The following RSRC1 variants were observed in gnomAD, a reference collection of about 807,000 sequenced individuals.
The protein encoded by RSRC1 is serine/Arginine-related protein 53.
RSRC1 carries 39 observed loss-of-function variants against 49.1 expected under a neutral mutation model. The observed-to-expected ratio is 0.79, with a 90% CI of 0.61 to 1.04. RSRC1 has a LOEUF of 1.04. Among genes scored for constraint, RSRC1 ranks in the 50% least tolerant of loss-of-function variants. The pLI is 0.00. For synonymous variants in RSRC1, 143 were observed against 130.8 expected (o/e 1.09, Z -0.63); for missense variants, 388 against 402.4 (o/e 0.96, Z 0.31).
chr3:158,442,446 A>G (rs1399690686), intron 6 of RSRC1, among the ~76,000 whole-genome samples: 1 of 151,842 alleles, frequency 6.6e-6, no homozygotes, highest in Non-Finnish European at 1.5e-5. Context: ...CTAAGGAACA[A>G]TTTTTTTTGT....
chr3:158,540,535 A>G (rs941265142), intron 8 of RSRC1, among the ~76,000 whole-genome samples: 1 of 152,124 alleles, frequency 6.6e-6, no homozygotes, highest in South Asian at 2.1e-4. Context: ...AGCTTCCATT[A>G]GAATAAAAAT....
intron 3 of RSRC1, among the ~76,000 whole-genome samples, chr3:158,186,845 A>G (rs1244636755): frequency 6.6e-6 from 1 of 151,880 alleles, no homozygotes; most frequent in African/African-American, 2.4e-5. Context: ...TGGGGAGACC[A>G]GAGATGATGA....
intron 7 of RSRC1, among the ~76,000 whole-genome samples, chr3:158,525,732 A>G (rs1391810131): frequency 2.6e-5 from 4 of 151,982 alleles, no homozygotes; most frequent in African/African-American, 9.7e-5. Flanking sequence ...ATTACCACAG[A>G]TGTACCCAAC....
At chr3:158,440,954 A>G (rs1736351209) in intron 6 of RSRC1, among the ~76,000 whole-genome samples, 1 of 152,142 alleles carries the variant, frequency 6.6e-6, no homozygotes, top group South Asian at 2.1e-4. Context: ...TAAGAAAAAA[A>G]ATGAAAGAAA....
intron 6 of RSRC1, among the ~76,000 whole-genome samples, chr3:158,422,322 G>A (rs1266851353): frequency 2.9e-5 from 4 of 136,696 alleles, no homozygotes; most frequent in South Asian, 4.8e-4. Context: ...GAGAATATGC[G>A]GTGTTTGGTT....
At position 158,329,236 on chromosome 3, in the gene RSRC1, T is replaced by C. The variant is rs537282956; in HGVS notation, c.532-25621T>C. On this transcript the variant is annotated intron_variant, in intron 5 of 9. Transcript: ENST00000611884. The stretch of plus-strand genomic sequence containing the variant: ...TCGTCTGAAACTTTCTTCTCTCAAC[T>C]CGTCAAAGTCATTCTGCATCCAGCT... 1.4e-4 allele frequency among the ~76,000 whole-genome samples: 21 copies of C among 152,362 alleles called. No individual in the cohort carries two copies. In the South Asian group the frequency reaches 1.7e-3, roughly 12 times the overall value.
At position 158,145,331 on chromosome 3, in the gene RSRC1, GTTT is replaced by G. The variant is rs200942010; in HGVS notation, c.320+21341_320+21343del. 6.6e-3 allele frequency among the ~76,000 whole-genome samples: 1,012 copies of G among 152,288 alleles called. 11 individuals carry two copies. Among genetic ancestry groups the G allele is most frequent in the African/African-American group, 0.023 (970 of 41,554 alleles). ...GTATAAGGTGTAAGGAAGGGATCCA[GTTT>G]CAGCTTTCTACATATGGCTAGCCAG... On this transcript the variant is annotated intron_variant, in intron 3 of 9. Coordinates refer to ENST00000611884, the MANE Select transcript of RSRC1 (RefSeq NM_001271838.2).
chr3:158,240,202 C>T (rs1723490679), intron 4 of RSRC1, among the ~76,000 whole-genome samples: 1 of 151,958 alleles, frequency 6.6e-6, no homozygotes, highest in Admixed American at 6.6e-5. Flanking sequence ...TCACTCATAT[C>T]TTTGTCATGT....
intron 3 of RSRC1, among the ~76,000 whole-genome samples, chr3:158,195,717 G>A (rs199913888): frequency 0.21 from 31,415 of 152,036 alleles, 4,034 homozygotes; most frequent in Non-Finnish European, 0.29. Flanking sequence ...TCTACATATG[G>A]CTAGCCAGTT....
At chr3:158,524,580 A>G (rs1711893639) in intron 7 of RSRC1, among the ~76,000 whole-genome samples, 1 of 152,088 alleles carries the variant, frequency 6.6e-6, no homozygotes, top group African/African-American at 2.4e-5. Context: ...CCCTCAAACT[A>G]GATCCTGTTC....
intron 3 of RSRC1, among the ~76,000 whole-genome samples, chr3:158,170,349 C>T (rs1020726535): frequency 2.7e-5 from 4 of 150,632 alleles, no homozygotes; most frequent in Non-Finnish European, 4.4e-5. Flanking sequence ...CTTGTTCTCC[C>T]TTTTACCATT....
chr3:158,184,658 A>C (rs567904606), intron 3 of RSRC1, among the ~76,000 whole-genome samples: 1 of 152,152 alleles, frequency 6.6e-6, no homozygotes, highest in East Asian at 1.9e-4. Flanking sequence ...TAACTGGTAA[A>C]CTATTAGGTC....
chr3:158,423,981 A>G (rs369910585), intron 6 of RSRC1, among the ~76,000 whole-genome samples: 21 of 150,724 alleles, frequency 1.4e-4, no homozygotes, highest in East Asian at 5.8e-4. Context: ...GGCTGAGACA[A>G]TGGGGTTTTC....
At chr3:158,145,264 G>T (rs1454287005) in intron 3 of RSRC1, among the ~76,000 whole-genome samples, 1 of 152,190 alleles carries the variant, frequency 6.6e-6, no homozygotes, top group Non-Finnish European at 1.5e-5. Flanking sequence ...TCTGGTTTTA[G>T]ATCTAAGGTT....
At chr3:158,371,371 TC>T (rs1212564402) in intron 6 of RSRC1, among the ~76,000 whole-genome samples, 2 of 151,640 alleles carry the variant, frequency 1.3e-5, no homozygotes, top group Non-Finnish European at 3.0e-5. Context: ...TCCCCCAAAT[TC>T]CCCCATACCC....
intron 7 of RSRC1, among the ~76,000 whole-genome samples, chr3:158,505,395 C>G (rs956113438): frequency 6.6e-6 from 1 of 152,130 alleles, no homozygotes; most frequent in Admixed American, 6.6e-5. Flanking sequence ...TTAATTTCAT[C>G]AAGTTCATTC....
intron 5 of RSRC1, among the ~76,000 whole-genome samples, chr3:158,332,971 G>GTTTT (rs371669802): frequency 1.5e-5 from 2 of 136,122 alleles, no homozygotes; most frequent in African/African-American, 2.7e-5. Flanking sequence ...TCTGTTTTTT[G>GTTTT]TTTTTTTTTT....
chr3:158,159,472 T>C (rs1182586826), intron 3 of RSRC1, among the ~76,000 whole-genome samples: 1 of 151,958 alleles, frequency 6.6e-6, no homozygotes, highest in Non-Finnish European at 1.5e-5. Context: ...TTTGCTCCTT[T>C]GTTTGCATAA....
At chr3:158,532,757 T>TA (rs1576612579) in intron 7 of RSRC1, among the ~76,000 whole-genome samples, 1 of 151,770 alleles carries the variant, frequency 6.6e-6, no homozygotes. Flanking sequence ...ATATGTTTAT[T>TA]AAAAAATCAT....
Sources: gnomAD v4.1 joint callset for allele counts (sites outside exome capture counted in the v4.1 genomes callset) on GRCh38, gnomAD v4.1.1 for gene constraint, MANE v1.5 for transcripts, NCBI Gene and HGNC (gene_info 2026-07-23, HGNC 2026-07-21) for gene names.